Variants in PCDHA1 observed in about 807,000 individuals in gnomAD.
PCDHA1 encodes protocadherin alpha-1.
A neutral mutation model predicts 61.3 loss-of-function variants in PCDHA1; 42 were observed. The ratio of observed to expected loss-of-function variants is 0.69; its 90% CI spans 0.54 to 0.89. The LOEUF is 0.89. Ranked by LOEUF, PCDHA1 falls within the 40% of genes least tolerant of loss-of-function variation. PCDHA1 has a pLI of 0.00. For synonymous variants in PCDHA1, 610 were observed against 553.8 expected, an observed-to-expected ratio of 1.10 and a Z score of -1.43; for missense variants, 1,256 against 1,235.3, an observed-to-expected ratio of 1.02 and a Z score of -0.25.
rs2150182781 is a variant in PCDHA1, at chr5:140,830,210, G to A, written c.2394+41526G>A. The A allele has an allele frequency of 1.3e-5, 21 of 1,613,836 alleles. 2 individuals carry two copies. In the South Asian group the frequency reaches 2.3e-4, roughly 18 times the overall value. On this transcript the variant is annotated intron_variant, in intron 1 of 3. Coordinates refer to ENST00000504120, the MANE Select transcript of PCDHA1 (RefSeq NM_018900.4). ...GTACCTGATCATCGCCATCTGCGCG[G>A]TATCCAGCCTGCTGGTCCTCACGCT...
chr5:140,813,949 G>A (rs2126651118), intron 1 of PCDHA1: 1 of 152,534 alleles, frequency 6.6e-6, no homozygotes, highest in Non-Finnish European at 1.5e-5. Flanking sequence ...AGTGAGCTAT[G>A]GTCGTGCCAC....
At chr5:140,990,780 G>A (rs900658402) in intron 3 of PCDHA1, among the ~76,000 whole-genome samples, 20 of 152,192 alleles carry the variant, frequency 1.3e-4, no homozygotes, top group African/African-American at 4.8e-4. Flanking sequence ...CTCTGTGTTG[G>A]ACGATGAACC....
chr5:140,988,403 C>T (rs1054317981), intron 3 of PCDHA1, among the ~76,000 whole-genome samples: 3 of 152,036 alleles, frequency 2.0e-5, no homozygotes, highest in African/African-American at 4.8e-5. Context: ...GAGTTCTCTT[C>T]GCAGCTTATG....
chr5:140,927,607 C>T, intron 1 of PCDHA1: 2 of 1,614,180 alleles, frequency 1.2e-6, no homozygotes, highest in Non-Finnish European at 8.5e-7. Flanking sequence ...CTCCGTATAC[C>T]GCACCAAGGT....
intron 3 of PCDHA1, among the ~76,000 whole-genome samples, chr5:140,987,362 A>G (rs1490856237): frequency 6.6e-6 from 1 of 152,208 alleles, no homozygotes; most frequent in Non-Finnish European, 1.5e-5. Flanking sequence ...AGGTTGTCTT[A>G]TATCATTACA....
chr5:140,902,530 G>A (rs569387885), intron 1 of PCDHA1, among the ~76,000 whole-genome samples: 11 of 152,144 alleles, frequency 7.2e-5, no homozygotes, highest in African/African-American at 2.7e-4. Flanking sequence ...TTATTATGTT[G>A]AGGTATGTTC....
intron 1 of PCDHA1, chr5:140,928,773 T>A: frequency 6.2e-7 from 1 of 1,614,164 alleles, no homozygotes; most frequent in Non-Finnish European, 8.5e-7. Context: ...TTCTTCCCAC[T>A]GATGCAGTTA....
intron 1 of PCDHA1, among the ~76,000 whole-genome samples, chr5:140,946,909 C>G (rs1290458457): frequency 6.6e-6 from 1 of 151,234 alleles, no homozygotes; most frequent in Non-Finnish European, 1.5e-5. Flanking sequence ...AGAATAAGTT[C>G]TGGTGTTTTA....
At chr5:141,001,997 C>G (rs2098052259) in intron 3 of PCDHA1, among the ~76,000 whole-genome samples, 1 of 152,190 alleles carries the variant, frequency 6.6e-6, no homozygotes, top group Admixed American at 6.5e-5. Context: ...AGTTCACTTG[C>G]AAACACAGAA....
intron 1 of PCDHA1, among the ~76,000 whole-genome samples, chr5:140,951,339 G>A (rs246043): frequency 0.56 from 85,609 of 151,878 alleles, 24,748 homozygotes; most frequent in African/African-American, 0.69. Context: ...TTCTGTTTGT[G>A]TTAGTCCATT....
At chr5:140,835,310 T>C in intron 1 of PCDHA1, 1 of 1,613,100 alleles carries the variant, frequency 6.2e-7, no homozygotes, top group Non-Finnish European at 8.5e-7. Context: ...GACATATGGA[T>C]TTTGAAGAAA....
chr5:140,816,502 T>G (rs1390096829), intron 1 of PCDHA1: 1 of 116,200 alleles, frequency 8.6e-6, no homozygotes, highest in African/African-American at 3.4e-5. Flanking sequence ...TTTCTGGAGG[T>G]GTGTTTGTGT....
At chr5:140,809,651 T>C in intron 1 of PCDHA1, 4 of 1,495,674 alleles carry the variant, frequency 2.7e-6, no homozygotes, top group Non-Finnish European at 3.6e-6. Flanking sequence ...TTTCTAAGAG[T>C]CAAATTTCCC....
chr5:140,950,914 T>G (rs1198787949), intron 1 of PCDHA1, among the ~76,000 whole-genome samples: 1 of 152,044 alleles, frequency 6.6e-6, no homozygotes, highest in Non-Finnish European at 1.5e-5. Context: ...TTTATTTTAT[T>G]TCAGTTCTTT....
rs148605499 is a variant in PCDHA1 at position 140,807,632 on chromosome 5, G to C, written c.2394+18948G>C. 3.2e-5 allele frequency: 51 copies of C among 1,614,100 alleles called. No homozygotes were observed. The highest frequency in any genetic ancestry group is 1.6e-4 in the Middle Eastern group (1 of 6,084). ...GTCCATCGCGGAATCCAGGCCGCTT[G>C]ACTCTCGGTTTCCACTAGAGGGCGC... On this transcript the variant is annotated intron_variant, in intron 1 of 3. Transcript: ENST00000504120.
chr5:140,876,554 A>G (rs2056417075), intron 1 of PCDHA1: 1 of 1,614,052 alleles, frequency 6.2e-7, no homozygotes, highest in South Asian at 1.1e-5. Flanking sequence ...CCTGTGCAAG[A>G]GGATGCTCAG....
chr5:140,836,235 G>T (rs1774308419), intron 1 of PCDHA1: 1 of 1,613,794 alleles, frequency 6.2e-7, no homozygotes, highest in Admixed American at 1.7e-5. Flanking sequence ...GGCGGCCGGT[G>T]CGAGCATCCC....
chr5:140,987,936 T>C lies in PCDHA1; in HGVS notation c.2542+5373T>C, dbSNP rs80117115. Among the ~76,000 whole-genome samples the C allele has an allele frequency of 7.9e-3, 1,205 of 152,348 alleles. 20 individuals are homozygous for C. Among genetic ancestry groups the C allele is most frequent in the African/African-American group, 0.027 (1,136 of 41,570 alleles). On this transcript the variant is annotated intron_variant, in intron 3 of 3. Coordinates refer to ENST00000504120, the MANE Select transcript of PCDHA1 (RefSeq NM_018900.4). ...TATTCTTAATTGTCTCAAGGATTCT[T>C]ACCTGTCTGACAAAACCAACTCCCC...
intron 1 of PCDHA1, among the ~76,000 whole-genome samples, chr5:140,901,959 A>G (rs1163639408): frequency 6.6e-6 from 1 of 152,076 alleles, no homozygotes; most frequent in Admixed American, 6.6e-5. Flanking sequence ...ATTCGTGGCT[A>G]TCGTAAATGG....
Sources: gnomAD v4.1 joint callset for allele counts (sites outside exome capture counted in the v4.1 genomes callset) on GRCh38, gnomAD v4.1.1 for gene constraint, MANE v1.5 for transcripts, NCBI Gene and HGNC (gene_info 2026-07-23, HGNC 2026-07-21) for gene names.